The following PUF60 variants were observed in gnomAD, a reference collection of about 807,000 sequenced individuals.
PUF60 encodes poly(U)-binding-splicing factor PUF60.
PUF60 carries 10 observed loss-of-function variants against 61.8 expected under a neutral mutation model. The observed-to-expected ratio is 0.16, with a 90% CI of 0.10 to 0.27. The LOEUF is 0.27. Among genes scored for constraint, PUF60 ranks in the 10% least tolerant of loss-of-function variants. The probability of loss-of-function intolerance (pLI) is 1.00; values close to 1 mark genes in which losing one functional copy is unlikely to be tolerated. For missense variants in PUF60, 371 were observed against 754.0 expected (o/e 0.49, Z 5.95); for synonymous variants, 353 against 300.9 (o/e 1.17, Z -1.79).
chr8:143,822,363 A>G (rs1817120099), intron 2 of PUF60: 1 of 384,744 alleles, frequency 2.6e-6, no homozygotes, highest in South Asian at 1.9e-5. Context: ...GCTTCCTCAC[A>G]GTCCCTGCCA....
intron 4 of PUF60, among the ~76,000 whole-genome samples, chr8:143,821,164 C>T (rs1290204264): frequency 6.6e-6 from 1 of 152,216 alleles, no homozygotes. Flanking sequence ...TCCCCTCAGT[C>T]CTGGGGCTGA....
At chr8:143,820,060 G>A (rs1816837771) in intron 5 of PUF60, among the ~76,000 whole-genome samples, 1 of 152,190 alleles carries the variant, frequency 6.6e-6, no homozygotes, top group Non-Finnish European at 1.5e-5. Context: ...GGGAAGGGAG[G>A]GACACCTCCT....
chr8:143,820,575 G>T, intron 5 of PUF60, 91 bp downstream of exon 5: 1 of 1,406,780 alleles, frequency 7.1e-7, no homozygotes, highest in Non-Finnish European at 1.0e-6. Flanking sequence ...GCCGGCCAGG[G>T]GAGCAAGGTC....
intron 5 of PUF60, among the ~76,000 whole-genome samples, chr8:143,819,236 G>C (rs1816738566): frequency 1.3e-5 from 2 of 152,178 alleles, no homozygotes; most frequent in South Asian, 4.1e-4. Context: ...TGAGGTAGCA[G>C]AGACCCTACG....
Position 143,817,727 on chromosome 8 carries a change from G to A in PUF60, c.873C>T (p.Asp291=), listed in dbSNP as rs1816526754. 1.9e-6 allele frequency: 3 copies of A among 1,612,712 alleles called. No homozygotes were observed. The highest frequency in any genetic ancestry group is 1.3e-5 in the African/African-American group (1 of 75,052). The change falls in exon 9 of 12, where the codon GAC becomes GAT. Residue 291 remains aspartate, a synonymous_variant. Transcript: ENST00000526683. This position sits in a 1 kb window ranked among gnomAD's most constrained non-coding sequence, Gnocchi z 7.4. The part of the protein sequence containing the change: ...QDAVSSMNLF[D]LGGQYLRVGK... ...CCACCCGCAAGTACTGGCCACCCAG[G>A]TCAAAGAGGTTCATGGAAGACACAG...
chr8:143,821,723 GC>G, intron 3 of PUF60, 37 bp from the exon 4 acceptor site: 1 of 1,545,804 alleles, frequency 6.5e-7, no homozygotes. Context: ...TGGGGGCCCA[GC>G]CCATGGGAGA....
At chr8:143,825,971 T>C (rs1817596662) in intron 1 of PUF60, among the ~76,000 whole-genome samples, 1 of 152,182 alleles carries the variant, frequency 6.6e-6, no homozygotes, top group South Asian at 2.1e-4. Context: ...CACTGGTGCA[T>C]TCTACACAGG....
chr8:143,818,169 C>T lies in PUF60; in HGVS notation c.603+24G>A, dbSNP rs199514456. On this transcript the variant is annotated intron_variant, in intron 7 of 11. Coordinates refer to ENST00000526683, the MANE Select transcript of PUF60 (RefSeq NM_078480.3). This position sits in a 1 kb window ranked among gnomAD's most constrained non-coding sequence, Gnocchi z 7.9. ...GGGCAGCCCTGCACGCCTGCGGGAT[C>T]GAGGCCTTGGCTCCCTGCCTCACCT... 28 of 1,604,442 alleles carry T rather than the reference C, an allele frequency of 1.7e-5. No individual in the cohort carries two copies. In the East Asian group the frequency reaches 4.7e-4, roughly 27 times the overall value.
chr8:143,826,365 A>C (rs543257703), intron 1 of PUF60, among the ~76,000 whole-genome samples: 4 of 152,298 alleles, frequency 2.6e-5, no homozygotes, highest in Non-Finnish European at 5.9e-5. Context: ...GTAGCACTTA[A>C]GACCAGCCTG....
intron 5 of PUF60, among the ~76,000 whole-genome samples, chr8:143,819,207 C>T (rs1816733773): frequency 1.3e-5 from 2 of 152,132 alleles, no homozygotes; most frequent in Admixed American, 6.5e-5. Flanking sequence ...GACCACTGGC[C>T]TGGCCCCCGG....
intron 4 of PUF60, 139 bp from the exon 5 acceptor site, chr8:143,820,855 C>A (rs567629172): frequency 1.2e-6 from 1 of 819,854 alleles, no homozygotes; most frequent in South Asian, 1.4e-5. Context: ...CACTGCCGGC[C>A]GCCAGCACCT....
chr8:143,825,682 G>C (rs980598763), intron 1 of PUF60, among the ~76,000 whole-genome samples: 1 of 152,196 alleles, frequency 6.6e-6, no homozygotes. Flanking sequence ...GGGGGTCTCC[G>C]TGTTGCCCAA....
At chr8:143,819,942 C>CAA in intron 5 of PUF60, among the ~76,000 whole-genome samples, 1 of 152,232 alleles carries the variant, frequency 6.6e-6, no homozygotes, top group African/African-American at 2.4e-5. Context: ...CCCATGGGAG[C>CAA]CACACACAGG....
At chr8:143,824,212 G>A (rs1379568293) in intron 2 of PUF60, 101 bp downstream of exon 2, 6 of 1,256,644 alleles carry the variant, frequency 4.8e-6, no homozygotes, top group African/African-American at 3.0e-5. Flanking sequence ...CTCCCGCCCC[G>A]CCCCCAGCCA....
rs746284038 is a variant in PUF60 at position 143,818,308 on chromosome 8, C to T, written c.511-23G>A. 1.2e-6 allele frequency: 2 copies of T among 1,606,552 alleles called. No individual in the cohort carries two copies. The highest frequency in any genetic ancestry group is 1.3e-5 in the African/African-American group (1 of 74,830). ...GCCCTAGACACAGGGACACACCTGT[C>T]AGGCTGCGCGAGCCCAGGGGTGGGG... On this transcript the variant is annotated intron_variant, in intron 6 of 11. Coordinates refer to ENST00000526683, the MANE Select transcript of PUF60 (RefSeq NM_078480.3). The surrounding 1 kb of genome is among the most constrained non-coding windows in gnomAD (Gnocchi z 7.9).
Position 143,818,530 on chromosome 8 carries a change from G to A in PUF60, c.353C>T (p.Ala118Val), listed in dbSNP as rs369414220. ...GDPLSPLQSM[A>V]AQRQRALAIM... Reference sequence around the variant, plus strand: ...GGCCAGCGCCCGCTGCCGCTGAGCCGCCATCTGCAGCAGGACAGAGGGGAG... The same window carrying A: ...GGCCAGCGCCCGCTGCCGCTGAGCCACCATCTGCAGCAGGACAGAGGGGAG... The change falls in exon 6 of 12, where the codon GCG becomes GTG. Residue 118 changes from alanine to valine, a missense_variant. Around this residue, in one of 13 missense-constraint regions of PUF60, gnomAD observed 35 missense variants for 173.1 expected, o/e 0.20. Transcript: ENST00000526683. The surrounding 1 kb of genome is among the most constrained non-coding windows in gnomAD (Gnocchi z 7.9). 1 of 1,588,298 alleles carries A rather than the reference G, an allele frequency of 6.3e-7. No homozygotes were observed. Among genetic ancestry groups the A allele is most frequent in the Non-Finnish European group, 8.6e-7 (1 of 1,168,300 alleles).
At chr8:143,824,779 C>T in intron 1 of PUF60, 2 of 292,576 alleles carry the variant, frequency 6.8e-6, no homozygotes, top group South Asian at 3.9e-5. Context: ...GCGGTGCCTT[C>T]CTGGCAACCT....
intron 5 of PUF60, among the ~76,000 whole-genome samples, chr8:143,819,529 T>G (rs1816774987): frequency 6.6e-6 from 1 of 152,098 alleles, no homozygotes; most frequent in African/African-American, 2.4e-5. Flanking sequence ...TCTTTAGACA[T>G]CAGCTGGCCT....
Position 143,817,311 on chromosome 8 carries a change from T to C in PUF60, c.1144+20A>G, listed in dbSNP as rs1816460222. ...TGCCAGGACAGGAGAGGAGAGGATC[T>C]GGTACCACTTAAGACTCACCTGTGA... On this transcript the variant is annotated intron_variant, in intron 10 of 11. Transcript: ENST00000526683. This position sits in a 1 kb window ranked among gnomAD's most constrained non-coding sequence, Gnocchi z 7.4. 1 of 1,577,124 alleles carries C rather than the reference T, an allele frequency of 6.3e-7. No individual in the cohort carries two copies. The highest frequency in any genetic ancestry group is 8.6e-7 in the Non-Finnish European group (1 of 1,166,236).
Sources: allele counts gnomAD v4.1 joint callset (sites outside exome capture counted in the v4.1 genomes callset), GRCh38; gene constraint gnomAD v4.1.1; regional missense constraint gnomAD v4.1.1; non-coding constraint Gnocchi (gnomAD v3.1); transcripts MANE v1.5; gene names NCBI Gene and HGNC (gene_info 2026-07-23, HGNC 2026-07-21).